The following NFATC2 variants were observed in gnomAD, a reference collection of about 807,000 sequenced individuals.
The protein encoded by NFATC2 is nuclear factor of activated T cells 2.
A neutral mutation model predicts 87.3 loss-of-function variants in NFATC2; 22 were observed. That is an observed-to-expected ratio of 0.25 (90% CI 0.18 to 0.36). The LOEUF (loss-of-function observed/expected upper bound fraction) is 0.36, where lower values mean the gene tolerates loss of function less well. Among genes scored for constraint, NFATC2 ranks in the 10% least tolerant of loss-of-function variants. The pLI, the probability that NFATC2 is intolerant of heterozygous loss-of-function variation, is 1.00. For missense variants in NFATC2, 1,149 were observed against 1,259.1 expected, an observed-to-expected ratio of 0.91 and a Z score of 1.32; for synonymous variants, 565 against 542.2, an observed-to-expected ratio of 1.04 and a Z score of -0.58.
intron 8 of NFATC2, among the ~76,000 whole-genome samples, chr20:51,434,284 T>C (rs1236854746): frequency 6.6e-6 from 1 of 152,052 alleles, no homozygotes; most frequent in Non-Finnish European, 1.5e-5. Context: ...CTCAGTATAA[T>C]GCTTCTAGAA....
intron 8 of NFATC2, among the ~76,000 whole-genome samples, chr20:51,433,149 G>A (rs972296060): frequency 2.6e-5 from 4 of 151,972 alleles, no homozygotes; most frequent in East Asian, 1.9e-4. Flanking sequence ...GCTTATCCCC[G>A]TCAGAAATGT....
chr20:51,507,232 C>T (rs945366639), intron 3 of NFATC2, among the ~76,000 whole-genome samples: 2 of 152,208 alleles, frequency 1.3e-5, no homozygotes, highest in East Asian at 1.9e-4. Context: ...AGCTTCACTT[C>T]CCTGTGCCTC....
chr20:51,425,624 G>A lies in NFATC2; in HGVS notation c.2722+6443C>T, dbSNP rs545697667. Among the ~76,000 whole-genome samples, 3 of 152,338 alleles carry A rather than the reference G, an allele frequency of 2.0e-5. No individual in the cohort carries two copies. The South Asian group carries it at 6.2e-4, about 32-fold the overall frequency. ...TTGCACGCCTCCCCACACAGGAGCC[G>A]CTTTGTCCCAGGCTTGCCGTGGGCA... On this transcript the variant is annotated intron_variant, in intron 9 of 10. Coordinates refer to ENST00000371564, the MANE Select transcript of NFATC2 (RefSeq NM_012340.5).
At chr20:51,556,442 T>A (rs1372164830) in intron 1 of NFATC2, among the ~76,000 whole-genome samples, 1 of 152,180 alleles carries the variant, frequency 6.6e-6, no homozygotes, top group Non-Finnish European at 1.5e-5. Context: ...CTTGACGGCA[T>A]CTGAAGTCAT....
chr20:51,452,232 G>C (rs539490389), intron 6 of NFATC2, among the ~76,000 whole-genome samples: 1 of 152,032 alleles, frequency 6.6e-6, no homozygotes, highest in Non-Finnish European at 1.5e-5. Flanking sequence ...GGCTGACCTC[G>C]GGCTCTGTGA....
chr20:51,401,672 C>T (rs762991995), intron 9 of NFATC2, among the ~76,000 whole-genome samples: 4 of 152,142 alleles, frequency 2.6e-5, no homozygotes, highest in African/African-American at 4.8e-5. Context: ...ATTACTTTTG[C>T]GCCAACCTAA....
At chr20:51,474,262 T>C in intron 4 of NFATC2, 110 bp from the exon 5 acceptor site, 1 of 1,282,792 alleles carries the variant, frequency 7.8e-7, no homozygotes, top group Non-Finnish European at 1.1e-6. Context: ...TGCAATACAC[T>C]CACATAAGCA....
chr20:51,452,331 C>T (rs1471430577), intron 6 of NFATC2, among the ~76,000 whole-genome samples: 6 of 152,202 alleles, frequency 3.9e-5, no homozygotes, highest in South Asian at 2.1e-4. Context: ...CCTCCTCCTG[C>T]TGTGACAGCT....
chr20:51,494,796 C>T (rs1290376348), intron 3 of NFATC2, among the ~76,000 whole-genome samples: 1 of 152,182 alleles, frequency 6.6e-6, no homozygotes, highest in African/African-American at 2.4e-5. Flanking sequence ...ACTCTGACTT[C>T]TTAAGGATTA....
chr20:51,512,820 C>T (rs2076292688), intron 3 of NFATC2, among the ~76,000 whole-genome samples: 1 of 152,040 alleles, frequency 6.6e-6, no homozygotes, highest in South Asian at 2.1e-4. Context: ...GAAATAGAAA[C>T]AGATACAGAG....
chr20:51,469,320 C>T (rs1432805865), intron 5 of NFATC2, among the ~76,000 whole-genome samples: 1 of 152,144 alleles, frequency 6.6e-6, no homozygotes, highest in Non-Finnish European at 1.5e-5. Context: ...CTTGGCTGGG[C>T]ATCAGTATTT....
At chr20:51,417,656 T>C (rs924758276) in intron 9 of NFATC2, among the ~76,000 whole-genome samples, 2 of 152,212 alleles carry the variant, frequency 1.3e-5, no homozygotes, top group African/African-American at 2.4e-5. Flanking sequence ...CATTTTCTGG[T>C]TGACATTTGA....
chr20:51,505,044 C>T (rs1303353127), intron 3 of NFATC2, among the ~76,000 whole-genome samples: 6 of 114,164 alleles, frequency 5.3e-5, no homozygotes, highest in African/African-American at 1.7e-4. Flanking sequence ...GACGGAGTCT[C>T]GCTCTGTCAC....
chr20:51,546,735 G>A (rs112222838), upstream of NFATC2, among the ~76,000 whole-genome samples: 221 of 152,288 alleles, frequency 1.5e-3, no homozygotes, highest in Middle Eastern at 3.4e-3. Flanking sequence ...GGTATGTGCC[G>A]TGAAAGGCAA....
intron 1 of NFATC2, among the ~76,000 whole-genome samples, chr20:51,558,187 A>T (rs2146846280): frequency 6.6e-6 from 1 of 152,248 alleles, no homozygotes; most frequent in East Asian, 1.9e-4. Context: ...CAAACAATTT[A>T]AAAAGTTAGC....
intron 3 of NFATC2, among the ~76,000 whole-genome samples, chr20:51,496,052 C>T (rs954385384): frequency 6.6e-6 from 1 of 152,178 alleles, no homozygotes; most frequent in Non-Finnish European, 1.5e-5. Context: ...TCCAAACCCC[C>T]ACCCAGGGTC....
At chr20:51,429,879 A>G (rs947395036) in intron 9 of NFATC2, among the ~76,000 whole-genome samples, 2 of 152,068 alleles carry the variant, frequency 1.3e-5, no homozygotes, top group African/African-American at 4.8e-5. Flanking sequence ...TCTCTGAGAC[A>G]TCCTTAGAGC....
At chr20:51,468,966 G>C (rs1183673585) in intron 5 of NFATC2, among the ~76,000 whole-genome samples, 1 of 152,048 alleles carries the variant, frequency 6.6e-6, no homozygotes, top group Non-Finnish European at 1.5e-5. Flanking sequence ...AAGCCTCCAT[G>C]CCCAGGCCAC....
intron 3 of NFATC2, among the ~76,000 whole-genome samples, chr20:51,500,468 C>T (rs2076059647): frequency 6.6e-6 from 1 of 151,920 alleles, no homozygotes; most frequent in Non-Finnish European, 1.5e-5. Context: ...ATACCTATTA[C>T]TCTGAGTCAT....
Sources: gnomAD v4.1 joint callset for allele counts (sites outside exome capture counted in the v4.1 genomes callset) on GRCh38, gnomAD v4.1.1 for gene constraint, MANE v1.5 for transcripts, NCBI Gene and HGNC (gene_info 2026-07-23, HGNC 2026-07-21) for gene names.